The following JAK1 variants were observed in gnomAD, a reference collection of about 807,000 sequenced individuals.
JAK1 encodes Janus kinase 1, also known as tyrosine-protein kinase JAK1.
Under a neutral mutation model 136.6 loss-of-function variants are expected in JAK1, and 16 were observed. The ratio of observed to expected loss-of-function variants is 0.12; its 90% CI spans 0.08 to 0.18. The LOEUF (loss-of-function observed/expected upper bound fraction) is 0.18. Among genes scored for constraint, JAK1 ranks in the 10% least tolerant of loss-of-function variants. The pLI, the probability that JAK1 is intolerant of heterozygous loss-of-function variation, is 1.00. For missense variants in JAK1, 859 were observed against 1,450.1 expected (o/e 0.59, Z 6.62); for synonymous variants, 492 against 519.5 (o/e 0.95, Z 0.72).
chr1:64,945,919 G>T (rs1447952027), intron 1 of JAK1, among the ~76,000 whole-genome samples: 3 of 151,982 alleles, frequency 2.0e-5, no homozygotes, highest in Non-Finnish European at 2.9e-5. Flanking sequence ...TGTATTTTTA[G>T]TAGGGATAAG....
At chr1:64,892,719 C>T (rs1299562858) in intron 1 of JAK1, among the ~76,000 whole-genome samples, 2 of 152,216 alleles carry the variant, frequency 1.3e-5, no homozygotes, top group Admixed American at 1.3e-4. Flanking sequence ...TCGAGTTTCA[C>T]AGCCCCTTCA....
At chr1:65,063,080 T>A (rs923168946) in intron 1 of JAK1, among the ~76,000 whole-genome samples, 2 of 152,222 alleles carry the variant, frequency 1.3e-5, no homozygotes, top group African/African-American at 2.4e-5. Context: ...CATTGTACTT[T>A]TTTTGGAGGA....
chr1:65,047,429 T>A (rs748213890), intron 1 of JAK1, among the ~76,000 whole-genome samples: 1 of 151,992 alleles, frequency 6.6e-6, no homozygotes, highest in Non-Finnish European at 1.5e-5. Context: ...AACTAAAAAG[T>A]CATACAAGGC....
At chr1:65,061,801 C>G (rs1255329586) in intron 1 of JAK1, among the ~76,000 whole-genome samples, 1 of 152,112 alleles carries the variant, frequency 6.6e-6, no homozygotes, top group East Asian at 1.9e-4. Context: ...TTTTTAAAAA[C>G]TAATTTGTGC....
At chr1:64,902,568 G>GAA in intron 1 of JAK1, among the ~76,000 whole-genome samples, 1 of 56,740 alleles carries the variant, frequency 1.8e-5, no homozygotes, top group Admixed American at 2.3e-4. Context: ...GAGAGAGAGA[G>GAA]AGAGAGAGAG....
rs538419072 is a variant in JAK1 at position 65,008,186 on chromosome 1, A to G, written c.-78+36294T>C. On this transcript the variant is annotated intron_variant, in intron 2 of 25. Coordinates refer to the JAK1 transcript ENST00000671954. ...CCGTATGGGATGGACAGACCACCCA[A>G]TGATCACCCAGTACGGAAGTGTAGG... Among the ~76,000 whole-genome samples the G allele has an allele frequency of 5.9e-5, 9 of 152,304 alleles. No individual in the cohort carries two copies. The South Asian group carries it at 1.7e-3, about 28-fold the overall frequency.
chr1:64,886,195 C>T lies in JAK1; in HGVS notation c.6+64G>A, dbSNP rs1309093783. ...CAATAGCCCTACAGCCTCAAGAACA[C>T]GGTTTCATCAATTTTTTTAAAGCCA... On this transcript the variant is annotated intron_variant, in intron 2 of 24. Coordinates refer to ENST00000342505, the MANE Select transcript of JAK1 (RefSeq NM_002227.4). The T allele has an allele frequency of 3.0e-5, 32 of 1,076,928 alleles. No individual in the cohort carries two copies. The Middle Eastern group carries it at 1.8e-3, about 62-fold the overall frequency. The allele number at this position is 1,076,928 out of a possible 1,614,324, so 66.7% of individuals were successfully genotyped here.
chr1:64,848,375 T>C (rs1655376603), intron 12 of JAK1, among the ~76,000 whole-genome samples: 1 of 152,206 alleles, frequency 6.6e-6, no homozygotes, highest in African/African-American at 2.4e-5. Flanking sequence ...CCAGTGTGTG[T>C]GCTCATGTGT....
chr1:64,940,792 A>G (rs1376892710), intron 1 of JAK1, among the ~76,000 whole-genome samples: 1 of 152,256 alleles, frequency 6.6e-6, no homozygotes, highest in Admixed American at 6.5e-5. Context: ...TGATTAATAA[A>G]GAGAAAATAA....
At chr1:64,866,536 GTTTT>G (rs1007217334) in intron 7 of JAK1, among the ~76,000 whole-genome samples, 9 of 152,044 alleles carry the variant, frequency 5.9e-5, no homozygotes, top group Non-Finnish European at 8.8e-5. Context: ...TCCCTCAAAG[GTTTT>G]TTTATTTTTA....
At chr1:64,950,212 A>G (rs183414115) in intron 1 of JAK1, among the ~76,000 whole-genome samples, 1 of 152,162 alleles carries the variant, frequency 6.6e-6, no homozygotes, top group African/African-American at 2.4e-5. Context: ...GATCGAGACC[A>G]TCCTGGCCAA....
chr1:65,009,133 T>A (rs370319003), intron 2 of JAK1, among the ~76,000 whole-genome samples: 2 of 152,302 alleles, frequency 1.3e-5, no homozygotes, highest in South Asian at 4.2e-4. Flanking sequence ...GGTTAAAGCA[T>A]CTATGGTATA....
At chr1:64,880,207 C>T (rs1270609649) in intron 3 of JAK1, among the ~76,000 whole-genome samples, 2 of 152,200 alleles carry the variant, frequency 1.3e-5, no homozygotes, top group East Asian at 3.8e-4. Context: ...ATCTAGTGCT[C>T]TCCTGAACAC....
At chr1:64,872,000 C>G (rs372375396) in intron 5 of JAK1, among the ~76,000 whole-genome samples, 3 of 152,214 alleles carry the variant, frequency 2.0e-5, no homozygotes, top group Admixed American at 1.3e-4. Flanking sequence ...AATCTGCCCC[C>G]ACCTGCCTCT....
chr1:64,981,884 A>C (rs1646549101), intron 2 of JAK1, among the ~76,000 whole-genome samples: 1 of 152,180 alleles, frequency 6.6e-6, no homozygotes, highest in African/African-American at 2.4e-5. Context: ...AGAGATATTC[A>C]AATTTTCATC....
chr1:64,887,779 T>C (rs764664571), intron 1 of JAK1, among the ~76,000 whole-genome samples: 2 of 152,138 alleles, frequency 1.3e-5, no homozygotes. Flanking sequence ...AAAACGGAGA[T>C]AGCAGTCTCA....
intron 1 of JAK1, among the ~76,000 whole-genome samples, chr1:64,918,941 T>C (rs1157977284): frequency 2.0e-5 from 3 of 152,228 alleles, no homozygotes; most frequent in Non-Finnish European, 4.4e-5. Context: ...AAGAAAAATT[T>C]ATAAGTATCT....
At chr1:64,852,160 C>G (rs953402891) in intron 11 of JAK1, among the ~76,000 whole-genome samples, 1 of 152,250 alleles carries the variant, frequency 6.6e-6, no homozygotes, top group East Asian at 1.9e-4. Flanking sequence ...GTTCTATGAG[C>G]ATTATACACA....
Position 64,883,379 on chromosome 1 carries a change from C to G in JAK1, c.103G>C (p.Gly35Arg). ...GACAGATAGAAGATCACTTCCACCC[C>G]TGGCTCAGGGGCCTCCAGGTTCACC... ...TEVNLEAPEP[G>R]VEVIFYLSDR... is the part of the protein sequence containing the mutation. Residue 35 changes from glycine (G) to arginine (R), a missense_variant, in exon 3 of 25, where the codon GGG (glycine) becomes CGG (arginine). Gly to Arg is a moderately radical substitution (Grantham distance 125). Transcript: ENST00000342505. 1 of 1,614,204 alleles carries G rather than the reference C, an allele frequency of 6.2e-7. No homozygotes were observed. Among genetic ancestry groups the G allele is most frequent in the Non-Finnish European group, 8.5e-7 (1 of 1,180,016 alleles).
Sources: gnomAD v4.1 joint callset for allele counts (sites outside exome capture counted in the v4.1 genomes callset) on GRCh38, gnomAD v4.1.1 for gene constraint, MANE v1.5 for transcripts, NCBI Gene and HGNC (gene_info 2026-07-23, HGNC 2026-07-21) for gene names.